Variants in CDC16 observed in about 807,000 individuals in gnomAD.
CDC16 encodes cell division cycle 16.
A neutral mutation model predicts 87.0 loss-of-function variants in CDC16; 34 were observed. The ratio of observed to expected loss-of-function variants is 0.39; its 90% confidence interval spans 0.30 to 0.52. The LOEUF (loss-of-function observed/expected upper bound fraction) is 0.52, where lower values mean the gene tolerates loss of function less well. Ranked by LOEUF, CDC16 falls within the 20% of genes least tolerant of loss-of-function variation. The pLI is 0.74. For missense variants in CDC16, 653 were observed against 751.9 expected, an observed-to-expected ratio of 0.87 and a Z score of 1.54; for synonymous variants, 263 against 260.6, an observed-to-expected ratio of 1.01 and a Z score of -0.09.
intron 3 of CDC16, among the ~76,000 whole-genome samples, chr13:114,237,777 T>TA (rs1397177073): frequency 6.6e-6 from 1 of 152,230 alleles, no homozygotes; most frequent in African/African-American, 2.4e-5. Context: ...TCTGTTCTGT[T>TA]ACAGCCTCTC....
At chr13:114,259,096 A>T (rs1452635144) in intron 13 of CDC16, among the ~76,000 whole-genome samples, 1 of 132,938 alleles carries the variant, frequency 7.5e-6, no homozygotes, top group African/African-American at 3.3e-5. Context: ...GAGACTCTTA[A>T]AAAAAAAAAA....
intron 17 of CDC16, among the ~76,000 whole-genome samples, chr13:114,266,059 T>G (rs2083193929): frequency 6.6e-6 from 1 of 152,212 alleles, no homozygotes; most frequent in Non-Finnish European, 1.5e-5. Flanking sequence ...TCAGGTGATC[T>G]GCCTGCCTCG....
At chr13:114,248,908 A>G (rs2082008813) in intron 11 of CDC16, among the ~76,000 whole-genome samples, 1 of 151,304 alleles carries the variant, frequency 6.6e-6, no homozygotes, top group Admixed American at 6.6e-5. Flanking sequence ...TCAGTGATGG[A>G]CTCTTATCAG....
At chr13:114,237,531 G>A (rs1334793418) in intron 3 of CDC16, among the ~76,000 whole-genome samples, 2 of 152,070 alleles carry the variant, frequency 1.3e-5, no homozygotes, top group Admixed American at 1.3e-4. Context: ...GTCTCAAGCA[G>A]TCCTCCCGCC....
intron 9 of CDC16, 193 bp from the exon 10 acceptor site, chr13:114,245,807 C>G (rs995075589): frequency 6.1e-5 from 32 of 526,984 alleles, no homozygotes; most frequent in Non-Finnish European, 1.0e-4. Flanking sequence ...GGTGTCTGTT[C>G]CCACCTTGCC....
intron 17 of CDC16, among the ~76,000 whole-genome samples, chr13:114,268,015 G>A (rs569678594): frequency 1.3e-5 from 2 of 152,330 alleles, no homozygotes; most frequent in South Asian, 4.1e-4. Context: ...ACTGGGCAGT[G>A]GTGGTCAGGC....
chr13:114,262,939 A>T lies in CDC16; in HGVS notation c.1437A>T (p.Ala479=). ...RQALVLIPQN[A]STYSAIGYIH... Reference sequence around the variant, plus strand: ...CACTGGTGTTGATTCCTCAGAACGCATCCACCTACTCTGCTATTGGATATA... The same window carrying T: ...CACTGGTGTTGATTCCTCAGAACGCTTCCACCTACTCTGCTATTGGATATA... The change falls in exon 16 of 18, where the codon GCA becomes GCT. Residue 479 remains alanine, a synonymous_variant. Transcript: ENST00000356221. 8 of 1,614,018 alleles carry T rather than the reference A, an allele frequency of 5.0e-6. No homozygotes were observed. Among genetic ancestry groups the T allele is most frequent in the Non-Finnish European group, 6.8e-6 (8 of 1,179,840 alleles).
intron 5 of CDC16, among the ~76,000 whole-genome samples, chr13:114,240,290 G>A (rs1387142365): frequency 1.3e-5 from 2 of 151,948 alleles, no homozygotes; most frequent in African/African-American, 4.8e-5. Flanking sequence ...GCTCACTGCA[G>A]CCTCAACCTC....
At chr13:114,241,457 T>C (rs7987485) in intron 5 of CDC16, among the ~76,000 whole-genome samples, 45,142 of 152,078 alleles carry the variant, frequency 0.3, 7,876 homozygotes, top group African/African-American at 0.48. Flanking sequence ...TTTTGAGGGG[T>C]GTCTGCCTAT....
intron 17 of CDC16, among the ~76,000 whole-genome samples, chr13:114,268,063 C>A (rs1383333379): frequency 1.3e-5 from 2 of 152,162 alleles, no homozygotes; most frequent in East Asian, 3.8e-4. Flanking sequence ...CAGAGTGTCC[C>A]CAGCCAGAGA....
chr13:114,262,041 A>T (rs12430336), intron 15 of CDC16, 93 bp downstream of exon 15: 2 of 709,002 alleles, frequency 2.8e-6, no homozygotes. Flanking sequence ...TCATGAGATC[A>T]ACCAGCTTTC....
intron 11 of CDC16, among the ~76,000 whole-genome samples, chr13:114,250,261 G>C (rs2082093640): frequency 1.3e-5 from 2 of 152,176 alleles, no homozygotes; most frequent in Non-Finnish European, 2.9e-5. Flanking sequence ...GGGAGGCCAA[G>C]GTGGGTGGAG....
chr13:114,242,355 T>C, intron 6 of CDC16, 75 bp downstream of exon 6: 2 of 1,395,142 alleles, frequency 1.4e-6, no homozygotes, highest in Admixed American at 1.9e-5. Context: ...TCTGAAATCT[T>C]CTAAGTCAAC....
At chr13:114,250,353 A>T (rs957621026) in intron 11 of CDC16, among the ~76,000 whole-genome samples, 196 bp from the exon 12 acceptor site, 1 of 152,016 alleles carries the variant, frequency 6.6e-6, no homozygotes, top group Non-Finnish European at 1.5e-5. Context: ...TTAGCCGGGC[A>T]TGGTGGCGGG....
intron 12 of CDC16, among the ~76,000 whole-genome samples, chr13:114,253,002 T>C (rs2082282017): frequency 6.6e-6 from 1 of 152,170 alleles, no homozygotes; most frequent in African/African-American, 2.4e-5. Flanking sequence ...CTGGGTTTGA[T>C]GGTGCCTGCC....
intron 16 of CDC16, among the ~76,000 whole-genome samples, chr13:114,263,907 A>G (rs1252139548): frequency 6.6e-6 from 1 of 152,248 alleles, no homozygotes; most frequent in African/African-American, 2.4e-5. Context: ...CCCATATCAC[A>G]GTGGTGGCTG....
chr13:114,252,382 C>T (rs2082245877), intron 12 of CDC16, among the ~76,000 whole-genome samples: 1 of 152,162 alleles, frequency 6.6e-6, no homozygotes, highest in African/African-American at 2.4e-5. Flanking sequence ...AGTACAGGCA[C>T]AGTAGGGGTT....
intron 17 of CDC16, among the ~76,000 whole-genome samples, chr13:114,266,788 G>A (rs1320340522): frequency 1.3e-5 from 2 of 151,738 alleles, no homozygotes; most frequent in African/African-American, 2.4e-5. Context: ...CCCCCTCACC[G>A]GGGTTCATGC....
At position 114,236,675 on chromosome 13, in the gene CDC16, G is replaced by A; in HGVS notation, c.79G>A (p.Asp27Asn). 1 of 1,612,912 alleles carries A rather than the reference G, an allele frequency of 6.2e-7. No homozygotes were observed. Among genetic ancestry groups the A allele is most frequent in the South Asian group, 1.1e-5 (1 of 91,046 alleles). The change falls in exon 2 of 18, where the codon GAT (aspartate) becomes AAT (asparagine). Residue 27 changes from aspartate to asparagine, a missense_variant. Coordinates refer to ENST00000356221, the MANE Select transcript of CDC16 (RefSeq NM_001078645.3). ...QQYQSALFWA[D>N]KVASLSREEP... ...GTATCAAAGTGCTCTATTTTGGGCA[G>A]ATAAAGTAGCTTCACTCTCTCGTGG...
Sources: allele counts gnomAD v4.1 joint callset (sites outside exome capture counted in the v4.1 genomes callset), GRCh38; gene constraint gnomAD v4.1.1; transcripts MANE v1.5; gene names NCBI Gene and HGNC (gene_info 2026-07-23, HGNC 2026-07-21).